Variants in MIAT observed in about 807,000 individuals in gnomAD.
MIAT encodes myocardial infarction associated transcript, also known as MI related novel mRNA.
At chr22:26,672,383 G>A (rs979093375), downstream of MIAT, 6 of 399,210 alleles carry the variant, frequency 1.5e-5, no homozygotes, top group African/African-American at 1.2e-4. Flanking sequence ...CTAAGGCAGG[G>A]GATGGCCCTA....
chr22:26,667,520 G>C (rs1047710796), intron 5 of MIAT, among the ~76,000 whole-genome samples: 1 of 152,122 alleles, frequency 6.6e-6, no homozygotes, highest in African/African-American at 2.4e-5. Context: ...AAAGGCCTCT[G>C]AAAGTCCTTC....
intron 2 of MIAT, among the ~76,000 whole-genome samples, chr22:26,648,469 T>G (rs1272528068): frequency 6.6e-6 from 1 of 151,620 alleles, no homozygotes; most frequent in African/African-American, 2.4e-5. Flanking sequence ...CAAGGTCTCC[T>G]GGCCTCCTGA....
chr22:26,659,607 G>A (rs1930583632), intron 2 of MIAT, among the ~76,000 whole-genome samples: 1 of 151,924 alleles, frequency 6.6e-6, no homozygotes, highest in South Asian at 2.1e-4. Context: ...GGAGGCTGGG[G>A]CGGGAGGATG....
At chr22:26,659,740 TAA>T (rs1930591241) in intron 2 of MIAT, among the ~76,000 whole-genome samples, 1 of 146,268 alleles carries the variant, frequency 6.8e-6, no homozygotes, top group Non-Finnish European at 1.5e-5. Flanking sequence ...ACAAATTCAA[TAA>T]GTTTAATAAA....
At chr22:26,646,902 C>A (rs114500008) in exon 1 of MIAT, 1 of 398,556 alleles carries the variant, frequency 2.5e-6, no homozygotes, top group East Asian at 3.6e-5. Flanking sequence ...ATCAAGGTGA[C>A]AGGAACAGAT....
At chr22:26,673,074 A>T, downstream of MIAT, 1 of 398,610 alleles carries the variant, frequency 2.5e-6, no homozygotes, top group Non-Finnish European at 4.4e-6. Flanking sequence ...TGTCGGGTTG[A>T]AAAGGGGTGT....
At chr22:26,657,542 G>A (rs1474605938) in intron 2 of MIAT, 1 of 398,794 alleles carries the variant, frequency 2.5e-6, no homozygotes, top group Non-Finnish European at 4.4e-6. Context: ...CTGCGGACGA[G>A]TGCGGGGAGG....
chr22:26,665,341 A>C (rs1203142468), intron 3 of MIAT: 13 of 397,724 alleles, frequency 3.3e-5, no homozygotes, highest in African/African-American at 8.2e-5. Context: ...AGAGAGCCAC[A>C]GTTTCCTCCA....
At chr22:26,651,606 C>T (rs1327765349) in intron 2 of MIAT, among the ~76,000 whole-genome samples, 2 of 152,302 alleles carry the variant, frequency 1.3e-5, no homozygotes, top group South Asian at 2.1e-4. Flanking sequence ...TTCATAGCAG[C>T]GCTATTCAGA....
At chr22:26,670,980 G>A (rs1278035895), downstream of MIAT, 2 of 398,252 alleles carry the variant, frequency 5.0e-6, no homozygotes, top group Admixed American at 4.4e-5. Flanking sequence ...TTTTCTAATG[G>A]TGGGAGGGCA....
At chr22:26,661,749 A>G (rs1032604111) in intron 2 of MIAT, among the ~76,000 whole-genome samples, 1 of 151,896 alleles carries the variant, frequency 6.6e-6, no homozygotes, top group Non-Finnish European at 1.5e-5. Context: ...TCATTTGCCT[A>G]CAGACTGTGA....
At chr22:26,665,562 G>A (rs963013356) in exon 4 of MIAT, 1 of 398,702 alleles carries the variant, frequency 2.5e-6, no homozygotes, top group Non-Finnish European at 4.4e-6. Flanking sequence ...AGAGGAGACA[G>A]AAGGGAATTT....
intron 2 of MIAT, among the ~76,000 whole-genome samples, chr22:26,660,269 C>G (rs1292855781): frequency 6.6e-6 from 1 of 150,818 alleles, no homozygotes; most frequent in African/African-American, 2.4e-5. Flanking sequence ...GTCAGGAGTT[C>G]GAGACCAGCC....
chr22:26,669,874 CAA>C (rs1263298403), downstream of MIAT: 2 of 398,580 alleles, frequency 5.0e-6, no homozygotes, highest in Non-Finnish European at 8.8e-6. Context: ...GCCTGGGCTA[CAA>C]CCCTGGGCAA....
intron 2 of MIAT, chr22:26,657,099 G>A (rs1167039737): frequency 5.9e-6 from 1 of 170,650 alleles, no homozygotes; most frequent in African/African-American, 2.4e-5. Flanking sequence ...CAGAACAAGC[G>A]TCTTCTGTCC....
intron 2 of MIAT, among the ~76,000 whole-genome samples, chr22:26,650,956 C>G (rs140644453): frequency 6.6e-6 from 1 of 151,978 alleles, no homozygotes; most frequent in Non-Finnish European, 1.5e-5. Context: ...GAGATGACAC[C>G]GATACTTCCT....
chr22:26,655,124 T>C (rs1930403607), intron 2 of MIAT, among the ~76,000 whole-genome samples: 1 of 152,188 alleles, frequency 6.6e-6, no homozygotes, highest in Admixed American at 6.5e-5. Flanking sequence ...CTCTAACTCT[T>C]TCACATGGGT....
At chr22:26,646,565 T>C (rs1930239038) in exon 1 of MIAT, 2 of 398,704 alleles carry the variant, frequency 5.0e-6, no homozygotes, top group Non-Finnish European at 8.8e-6. Context: ...AGGATCTGGA[T>C]GCAGATTGTT....
downstream of MIAT, chr22:26,673,771 G>T: frequency 2.5e-6 from 1 of 398,596 alleles, no homozygotes; most frequent in South Asian, 1.3e-4. Context: ...ATCAGAAGTC[G>T]GTAAAGATGG....
Sources: gnomAD v4.1 joint callset for allele counts (sites outside exome capture counted in the v4.1 genomes callset) on GRCh38, gnomAD v4.1.1 for gene constraint, MANE v1.5 for transcripts, NCBI Gene and HGNC (gene_info 2026-07-23, HGNC 2026-07-21) for gene names.